Variants in LRRTM4 observed in about 807,000 individuals in gnomAD.
LRRTM4 encodes the protein leucine rich repeat transmembrane neuronal 4, also known as leucine-rich repeat transmembrane neuronal protein 4.
A neutral mutation model predicts 47.6 loss-of-function variants in LRRTM4; 25 were observed. The observed-to-expected ratio is 0.53, with a 90% confidence interval of 0.38 to 0.73. The LOEUF is 0.73. LRRTM4 is among the 30% of genes least tolerant of loss of function. The probability of loss-of-function intolerance (pLI) is 0.00; values close to 1 mark genes in which losing one functional copy is unlikely to be tolerated. For synonymous variants in LRRTM4, 311 were observed against 269.5 expected (o/e 1.15, Z -1.51); for missense variants, 638 against 713.4 (o/e 0.89, Z 1.20).
intron 3 of LRRTM4, among the ~76,000 whole-genome samples, chr2:76,999,441 A>G (rs1275332079): frequency 2.2e-5 from 3 of 139,454 alleles, no homozygotes; most frequent in Non-Finnish European, 3.0e-5. Flanking sequence ...ACACAAAAGG[A>G]AACAAAACAA....
At chr2:77,516,596 G>A (rs561271835) in intron 3 of LRRTM4, 1 of 981,614 alleles carries the variant, frequency 1.0e-6, no homozygotes, top group East Asian at 1.1e-4. Context: ...GGATGAACTT[G>A]TGTTACTAAT....
At chr2:76,788,465 G>C (rs940176502) in intron 3 of LRRTM4, among the ~76,000 whole-genome samples, 1 of 152,144 alleles carries the variant, frequency 6.6e-6, no homozygotes, top group Non-Finnish European at 1.5e-5. Context: ...ACGTTTACTC[G>C]TACTAGGAAG....
At chr2:77,262,628 G>A (rs1234466254) in intron 3 of LRRTM4, among the ~76,000 whole-genome samples, 3 of 151,472 alleles carry the variant, frequency 2.0e-5, no homozygotes, top group South Asian at 2.1e-4. Context: ...CAATTTTGAG[G>A]GGTACTGATT....
intron 3 of LRRTM4, among the ~76,000 whole-genome samples, chr2:77,020,409 C>T (rs1678223666): frequency 6.6e-6 from 1 of 151,974 alleles, no homozygotes; most frequent in Non-Finnish European, 1.5e-5. Flanking sequence ...GTAACTTTTG[C>T]ACCAACATAA....
chr2:77,124,361 C>T (rs1373922946), intron 3 of LRRTM4, among the ~76,000 whole-genome samples: 1 of 152,074 alleles, frequency 6.6e-6, no homozygotes, highest in African/African-American at 2.4e-5. Flanking sequence ...ATCAAAATGA[C>T]ATGACTTTCT....
intron 3 of LRRTM4, among the ~76,000 whole-genome samples, chr2:77,408,536 C>G (rs1018326865): frequency 6.6e-6 from 1 of 152,138 alleles, no homozygotes; most frequent in Non-Finnish European, 1.5e-5. Context: ...TGTGGAAATT[C>G]TGTTCACAAA....
intron 3 of LRRTM4, among the ~76,000 whole-genome samples, chr2:76,920,950 G>A (rs76899433): frequency 6.6e-6 from 1 of 152,014 alleles, no homozygotes; most frequent in Non-Finnish European, 1.5e-5. Flanking sequence ...ATTATACTGA[G>A]TTTCCACGTA....
In LRRTM4 at chr2:77,090,864, G is replaced by C. The variant is rs535884098; in HGVS notation, c.1552-341948C>G. On this transcript the variant is annotated intron_variant, in intron 3 of 3. Transcript: ENST00000409884. ...AAGACTGACGCTGCCCGATTGCCTC[G>C]GCAGCCCCCTAGACCATCACGGACG... is the stretch of plus-strand genomic sequence containing the variant. Among the ~76,000 whole-genome samples, 37 of 152,140 alleles carry C rather than the reference G, an allele frequency of 2.4e-4. No homozygotes were observed. In the South Asian group the frequency reaches 7.3e-3, roughly 30 times the overall value.
At chr2:77,422,593 T>C (rs1436034028) in intron 3 of LRRTM4, among the ~76,000 whole-genome samples, 2 of 152,198 alleles carry the variant, frequency 1.3e-5, no homozygotes, top group Non-Finnish European at 2.9e-5. Flanking sequence ...AAACAATTTA[T>C]GAAACCATCA....
chr2:76,980,373 T>C (rs1676564189), intron 3 of LRRTM4, among the ~76,000 whole-genome samples: 1 of 152,064 alleles, frequency 6.6e-6, no homozygotes, highest in South Asian at 2.1e-4. Flanking sequence ...GTCTTGTATG[T>C]ATAAAAGAAA....
chr2:77,283,228 C>T (rs149786105), intron 3 of LRRTM4, among the ~76,000 whole-genome samples: 3,421 of 152,018 alleles, frequency 0.023, 140 homozygotes, highest in African/African-American at 0.078. Context: ...AGAAAAAATG[C>T]TCATCATCAC....
At chr2:77,105,067 A>T (rs935796854) in intron 3 of LRRTM4, among the ~76,000 whole-genome samples, 2 of 152,182 alleles carry the variant, frequency 1.3e-5, no homozygotes, top group Admixed American at 1.3e-4. Context: ...AGAAAAAAAA[A>T]ATCATGAGGA....
chr2:77,142,419 CCACACA>C (rs1384668316), intron 3 of LRRTM4, among the ~76,000 whole-genome samples: 5 of 127,712 alleles, frequency 3.9e-5, no homozygotes, highest in East Asian at 5.2e-4. Context: ...CTGCTTGTTA[CCACACA>C]CACATACACA....
intron 3 of LRRTM4, among the ~76,000 whole-genome samples, chr2:77,049,129 T>TATATATATAC (rs1553377423): frequency 9.5e-6 from 1 of 105,786 alleles, no homozygotes; most frequent in African/African-American, 4.7e-5. Flanking sequence ...TTTTTATATA[T>TATATATATAC]ATATATATAT....
chr2:77,031,369 A>G (rs1678650134), intron 3 of LRRTM4, among the ~76,000 whole-genome samples: 1 of 152,064 alleles, frequency 6.6e-6, no homozygotes, highest in African/African-American at 2.4e-5. Context: ...TCATTATTTA[A>G]TCTACACAAG....
intron 3 of LRRTM4, among the ~76,000 whole-genome samples, chr2:77,310,594 G>A (rs1268777494): frequency 6.6e-6 from 1 of 152,036 alleles, no homozygotes; most frequent in African/African-American, 2.4e-5. Flanking sequence ...TTTCAACTGT[G>A]GTCTCACAAG....
chr2:76,803,703 A>C (rs907641784), intron 3 of LRRTM4, among the ~76,000 whole-genome samples: 10 of 152,324 alleles, frequency 6.6e-5, no homozygotes, highest in Non-Finnish European at 1.0e-4. Context: ...TGCTATCCTC[A>C]TAAGATCCTG....
chr2:77,477,422 C>T (rs2104006319), intron 3 of LRRTM4, among the ~76,000 whole-genome samples: 1 of 152,260 alleles, frequency 6.6e-6, no homozygotes, highest in Middle Eastern at 3.4e-3. Flanking sequence ...TTATTTTAAA[C>T]TCTACCATAA....
At chr2:77,128,604 A>T (rs757120122) in intron 3 of LRRTM4, among the ~76,000 whole-genome samples, 56 of 152,172 alleles carry the variant, frequency 3.7e-4, no homozygotes, top group Non-Finnish European at 7.3e-4. Context: ...TCATCAAAAG[A>T]AAGTTTTCAT....
Sources: allele counts gnomAD v4.1 joint callset (sites outside exome capture counted in the v4.1 genomes callset), GRCh38; gene constraint gnomAD v4.1.1; transcripts MANE v1.5; gene names NCBI Gene and HGNC (gene_info 2026-07-23, HGNC 2026-07-21).